SPMAP2L: variants seen among roughly 807,000 people sequenced by gnomAD.
The protein encoded by SPMAP2L is sperm microtubule associated protein 2 like.
the SPMAP2L span, among the ~76,000 whole-genome samples, chr4:56,616,571 C>T: frequency 1.3e-5 from 2 of 152,084 alleles, no homozygotes; most frequent in African/African-American, 4.8e-5. Context: ...TTATATGTCC[C>T]TTTAATATTG....
the SPMAP2L span, among the ~76,000 whole-genome samples, chr4:56,592,670 G>C: frequency 6.6e-6 from 1 of 152,060 alleles, no homozygotes; most frequent in South Asian, 2.1e-4. Context: ...GCAGTCCTGT[G>C]CCAGGGCGTT....
At chr4:56,544,490 CA>C in the SPMAP2L span, among the ~76,000 whole-genome samples, 1 of 151,882 alleles carries the variant, frequency 6.6e-6, no homozygotes, top group African/African-American at 2.4e-5. Flanking sequence ...TCATGCAACA[CA>C]AATCAGGAAT....
chr4:56,565,178 T>C, the SPMAP2L span, among the ~76,000 whole-genome samples: 1 of 152,226 alleles, frequency 6.6e-6, no homozygotes, highest in African/African-American at 2.4e-5. Flanking sequence ...TTAGGCCAAG[T>C]TGGTTGGTAG....
At chr4:56,556,891 T>C in the SPMAP2L span, among the ~76,000 whole-genome samples, 1 of 151,616 alleles carries the variant, frequency 6.6e-6, no homozygotes, top group Non-Finnish European at 1.5e-5. Context: ...ATAAAAATAA[T>C]AATAATATTG....
chr4:56,545,231 A>C, the SPMAP2L span, among the ~76,000 whole-genome samples: 2 of 152,156 alleles, frequency 1.3e-5, no homozygotes, highest in Non-Finnish European at 2.9e-5. Flanking sequence ...GCTAGGCTTT[A>C]TTATCTATGC....
chr4:56,623,079 C>G, the SPMAP2L span, among the ~76,000 whole-genome samples: 1 of 152,116 alleles, frequency 6.6e-6, no homozygotes, highest in South Asian at 2.1e-4. Flanking sequence ...CCTCCAGCTT[C>G]CTGCTGCCTT....
At chr4:56,592,797 CT>C in the SPMAP2L span, among the ~76,000 whole-genome samples, 1 of 151,906 alleles carries the variant, frequency 6.6e-6, no homozygotes, top group Non-Finnish European at 1.5e-5. Context: ...AGCGCCGCGG[CT>C]GGGGCCTCGC....
At chr4:56,559,411 C>T in the SPMAP2L span, 2 of 1,515,384 alleles carry the variant, frequency 1.3e-6, no homozygotes, top group Admixed American at 4.3e-5. Context: ...TTGGGGAAAT[C>T]AAGATCCTAT....
the SPMAP2L span, among the ~76,000 whole-genome samples, chr4:56,606,032 A>G: frequency 3.9e-5 from 6 of 152,204 alleles, no homozygotes; most frequent in African/African-American, 1.4e-4. Flanking sequence ...AAACCTAGGT[A>G]TAAAAGTTAA....
the SPMAP2L span, among the ~76,000 whole-genome samples, chr4:56,607,286 C>T: frequency 6.6e-6 from 1 of 152,130 alleles, no homozygotes; most frequent in South Asian, 2.1e-4. Context: ...TGTAAGGATG[C>T]AGTAAGAAGG....
At chr4:56,602,436 T>C in the SPMAP2L span, among the ~76,000 whole-genome samples, 1 of 152,192 alleles carries the variant, frequency 6.6e-6, no homozygotes, top group Non-Finnish European at 1.5e-5. Context: ...CTCACACCTG[T>C]AATCCCAGCA....
chr4:56,586,748 A>G, the SPMAP2L span, among the ~76,000 whole-genome samples: 17,483 of 152,190 alleles, frequency 0.11, 1,128 homozygotes, highest in East Asian at 0.2. Flanking sequence ...GAACAGGTGG[A>G]AGCTGCATGG....
chr4:56,530,878 G>A, the SPMAP2L span: 8 of 1,534,922 alleles, frequency 5.2e-6, no homozygotes, highest in South Asian at 6.0e-5. Flanking sequence ...CAGGGAGCAA[G>A]ACCAGAGAGA....
chr4:56,543,895 AGTGTGTGTGTGT>A, the SPMAP2L span, among the ~76,000 whole-genome samples: 18 of 109,460 alleles, frequency 1.6e-4, no homozygotes, highest in Admixed American at 4.5e-4. Context: ...AGAGAGAGAG[AGTGTGTGTGTGT>A]GTGTGTGTGT....
the SPMAP2L span, among the ~76,000 whole-genome samples, chr4:56,591,744 G>A: frequency 6.6e-6 from 1 of 152,194 alleles, no homozygotes; most frequent in Admixed American, 6.5e-5. Context: ...AGAAGACCAT[G>A]TAATTTGAAC....
At chr4:56,600,481 A>T in the SPMAP2L span, among the ~76,000 whole-genome samples, 4 of 151,682 alleles carry the variant, frequency 2.6e-5, no homozygotes, top group African/African-American at 9.7e-5. Context: ...TTTAGTACAG[A>T]CGGGGTTTCA....
chr4:56,567,204 T>C, the SPMAP2L span, among the ~76,000 whole-genome samples: 1 of 152,096 alleles, frequency 6.6e-6, no homozygotes, highest in Admixed American at 6.6e-5. Flanking sequence ...TTCCTTTGTG[T>C]AGATCTATTA....
chr4:56,580,031 A>C, the SPMAP2L span, among the ~76,000 whole-genome samples: 1 of 152,204 alleles, frequency 6.6e-6, no homozygotes, highest in Non-Finnish European at 1.5e-5. Flanking sequence ...CATTCCTTCA[A>C]ACTCTCAAAA....
the SPMAP2L span, among the ~76,000 whole-genome samples, chr4:56,533,021 A>T: frequency 6.6e-6 from 1 of 152,188 alleles, no homozygotes; most frequent in Non-Finnish European, 1.5e-5. Flanking sequence ...ACTTTTCATT[A>T]TATATCACTA....
Sources: gnomAD v4.1 joint callset for allele counts (sites outside exome capture counted in the v4.1 genomes callset) on GRCh38, gnomAD v4.1.1 for gene constraint, MANE v1.5 for transcripts, NCBI Gene and HGNC (gene_info 2026-07-23, HGNC 2026-07-21) for gene names.